Variants in CARMIL1 observed in about 807,000 individuals in gnomAD.
CARMIL1 encodes capping protein regulator and myosin 1 linker 1.
A neutral mutation model predicts 177.1 loss-of-function variants in CARMIL1; 90 were observed. The ratio of observed to expected loss-of-function variants is 0.51; its 90% confidence interval spans 0.43 to 0.61. The LOEUF is 0.61. CARMIL1 is among the 20% of genes least tolerant of loss of function. The pLI is 0.00. For missense variants in CARMIL1, 1,380 were observed against 1,667.0 expected, an observed-to-expected ratio of 0.83 and a Z score of 3.00; for synonymous variants, 577 against 606.2, an observed-to-expected ratio of 0.95 and a Z score of 0.71.
At chr6:25,366,429 A>G (rs2150413024) in intron 2 of CARMIL1, among the ~76,000 whole-genome samples, 1 of 152,024 alleles carries the variant, frequency 6.6e-6, no homozygotes, top group South Asian at 2.1e-4. Context: ...TGTGCCTGAC[A>G]TTTAAAATTG....
intron 2 of CARMIL1, among the ~76,000 whole-genome samples, chr6:25,407,707 C>G (rs192085176): frequency 4.7e-4 from 72 of 152,134 alleles, no homozygotes; most frequent in Admixed American, 2.6e-3. Flanking sequence ...ACAAGGAACA[C>G]GAAGGCTAAG....
chr6:25,477,726 T>C (rs1801702842), intron 11 of CARMIL1, among the ~76,000 whole-genome samples: 2 of 152,216 alleles, frequency 1.3e-5, no homozygotes, highest in Non-Finnish European at 2.9e-5. Context: ...TGTGTGTACA[T>C]TTATGCTTTA....
intron 2 of CARMIL1, among the ~76,000 whole-genome samples, chr6:25,380,461 T>C (rs535508174): frequency 6.6e-6 from 1 of 152,374 alleles, no homozygotes; most frequent in South Asian, 2.1e-4. Flanking sequence ...GATTTGGCTC[T>C]CTGGAGTGGT....
intron 29 of CARMIL1, among the ~76,000 whole-genome samples, chr6:25,574,048 T>C (rs1812366157): frequency 6.6e-6 from 1 of 152,150 alleles, no homozygotes. Flanking sequence ...AAAGTTTCTT[T>C]CCATGTGTTG....
At chr6:25,399,412 C>G (rs1412475201) in intron 2 of CARMIL1, among the ~76,000 whole-genome samples, 1 of 152,120 alleles carries the variant, frequency 6.6e-6, no homozygotes, top group Non-Finnish European at 1.5e-5. Context: ...ATAGGAGACC[C>G]GAATGTTCTA....
intron 24 of CARMIL1, among the ~76,000 whole-genome samples, chr6:25,535,966 T>C (rs535904632): frequency 7.9e-5 from 12 of 152,212 alleles, no homozygotes; most frequent in Admixed American, 3.3e-4. Context: ...TTTTAAATGT[T>C]CTACTTAAAG....
intron 36 of CARMIL1, among the ~76,000 whole-genome samples, chr6:25,613,527 T>C (rs2151341716): frequency 6.6e-6 from 1 of 152,302 alleles, no homozygotes; most frequent in Middle Eastern, 3.4e-3. Context: ...AATGTTCTGT[T>C]CAGGTGAGAA....
chr6:25,318,756 A>G (rs16890366), intron 2 of CARMIL1, among the ~76,000 whole-genome samples: 37,335 of 152,008 alleles, frequency 0.25, 5,214 homozygotes, highest in East Asian at 0.4. Context: ...TGGGAGTTGC[A>G]TTAGGAAGGC....
At chr6:25,316,442 C>T (rs1054379282) in intron 2 of CARMIL1, among the ~76,000 whole-genome samples, 22 of 147,244 alleles carry the variant, frequency 1.5e-4, no homozygotes, top group African/African-American at 4.8e-4. Context: ...TTTTTTGAGA[C>T]GGAGTCCCAC....
intron 2 of CARMIL1, among the ~76,000 whole-genome samples, chr6:25,337,558 G>A (rs767878750): frequency 1.3e-5 from 2 of 152,176 alleles, no homozygotes; most frequent in Admixed American, 1.3e-4. Flanking sequence ...ACAGATCCGT[G>A]TCCATAATGG....
intron 2 of CARMIL1, among the ~76,000 whole-genome samples, chr6:25,406,525 G>C (rs757131314): frequency 2.6e-5 from 4 of 152,178 alleles, no homozygotes; most frequent in Non-Finnish European, 5.9e-5. Flanking sequence ...CTGTTAGAAG[G>C]CTATTGCAAG....
At chr6:25,603,076 C>G (rs1450721025) in intron 33 of CARMIL1, among the ~76,000 whole-genome samples, 1 of 152,190 alleles carries the variant, frequency 6.6e-6, no homozygotes, top group Non-Finnish European at 1.5e-5. Context: ...GAAAAGAGAA[C>G]AACTCCCAGG....
chr6:25,571,611 T>C (rs1812074798), intron 29 of CARMIL1, among the ~76,000 whole-genome samples: 1 of 152,112 alleles, frequency 6.6e-6, no homozygotes, highest in South Asian at 2.1e-4. Context: ...AATTAGTACT[T>C]TACAATGGAG....
At chr6:25,369,028 A>G (rs77483728) in intron 2 of CARMIL1, among the ~76,000 whole-genome samples, 12,519 of 152,344 alleles carry the variant, frequency 0.082, 523 homozygotes, top group East Asian at 0.15. Flanking sequence ...CCCTTACATG[A>G]TTAGATCACA....
intron 32 of CARMIL1, among the ~76,000 whole-genome samples, chr6:25,598,204 C>A (rs1288200444): frequency 6.6e-6 from 1 of 151,800 alleles, no homozygotes; most frequent in African/African-American, 2.4e-5. Context: ...TTCATAATTT[C>A]TTCCTTTTTT....
At chr6:25,315,339 T>A (rs1367034820) in intron 2 of CARMIL1, among the ~76,000 whole-genome samples, 1 of 152,238 alleles carries the variant, frequency 6.6e-6, no homozygotes, top group East Asian at 1.9e-4. Context: ...TTGGTAGGCA[T>A]CTTCTCTCCT....
At chr6:25,341,260 TG>T (rs1562007864) in intron 2 of CARMIL1, among the ~76,000 whole-genome samples, 1 of 152,166 alleles carries the variant, frequency 6.6e-6, no homozygotes, top group Non-Finnish European at 1.5e-5. Flanking sequence ...CAGAGAGATC[TG>T]AGACTTGCAG....
chr6:25,551,528 T>A (rs28670240), intron 27 of CARMIL1, among the ~76,000 whole-genome samples: 1 of 152,278 alleles, frequency 6.6e-6, no homozygotes, highest in Non-Finnish European at 1.5e-5. Context: ...GTTATTTTGG[T>A]GGGTCTGTAA....
intron 5 of CARMIL1, among the ~76,000 whole-genome samples, chr6:25,443,113 A>C (rs767800789): frequency 3.3e-5 from 5 of 152,190 alleles, no homozygotes; most frequent in Non-Finnish European, 7.3e-5. Context: ...TTTAAAAGAG[A>C]AATGTGATCC....
Sources: gnomAD v4.1 joint callset for allele counts (sites outside exome capture counted in the v4.1 genomes callset) on GRCh38, gnomAD v4.1.1 for gene constraint, MANE v1.5 for transcripts, NCBI Gene and HGNC (gene_info 2026-07-23, HGNC 2026-07-21) for gene names.